Variants in ZC4H2 observed in about 807,000 individuals in gnomAD.
ZC4H2 encodes zinc finger C4H2 domain-containing protein.
For synonymous variants in ZC4H2, 84 were observed against 66.3 expected (o/e 1.27, Z -1.30); for missense variants, 137 against 173.9 (o/e 0.79, Z 1.19).
intron 1 of ZC4H2, among the ~76,000 whole-genome samples, chrX:64,944,905 C>T (rs185221372): frequency 5.3e-4 from 60 of 112,518 alleles, no homozygotes; most frequent in Admixed American, 4.9e-3. Context: ...ATGAAGTTCT[C>T]GTGCTGTGTT....
intron 1 of ZC4H2, among the ~76,000 whole-genome samples, chrX:64,949,220 T>C (rs1474574340): frequency 9.0e-6 from 1 of 111,719 alleles, no homozygotes; most frequent in Non-Finnish European, 1.9e-5. Flanking sequence ...TTTCATGCAA[T>C]AGTAAAGGAC....
intron 1 of ZC4H2, among the ~76,000 whole-genome samples, chrX:64,957,698 A>T (rs927388242): frequency 2.1e-4 from 23 of 108,396 alleles, no homozygotes; most frequent in African/African-American, 5.7e-4. Context: ...TATCTCTATT[A>T]AAAAAATATA....
chrX:64,922,021 C>A (rs1432921120), intron 1 of ZC4H2, 33 bp from the exon 2 acceptor site: 1 of 1,200,442 alleles, frequency 8.3e-7, no homozygotes, highest in South Asian at 1.8e-5. Flanking sequence ...AACAGGCCAG[C>A]AAAAGAAGGG....
At chrX:64,931,994 C>T (rs1929773988) in intron 1 of ZC4H2, among the ~76,000 whole-genome samples, 2 of 111,437 alleles carry the variant, frequency 1.8e-5, no homozygotes, top group African/African-American at 3.3e-5. Context: ...TATCTCATTT[C>T]TTATGTCTAG....
chrX:64,998,847 A>G (rs1932468018), intron 1 of ZC4H2, among the ~76,000 whole-genome samples: 1 of 110,201 alleles, frequency 9.1e-6, no homozygotes, highest in African/African-American at 3.3e-5. Flanking sequence ...CTTTATTAAT[A>G]TATACTATTT....
chrX:64,940,373 A>T (rs113042153), intron 1 of ZC4H2, among the ~76,000 whole-genome samples: 1 of 111,295 alleles, frequency 9.0e-6, no homozygotes, highest in African/African-American at 3.3e-5. Flanking sequence ...CACTCTGATG[A>T]TAGTTTCTTT....
At chrX:64,988,987 G>A (rs1489233235) in intron 1 of ZC4H2, among the ~76,000 whole-genome samples, 2 of 111,707 alleles carry the variant, frequency 1.8e-5, no homozygotes, top group South Asian at 3.7e-4. Flanking sequence ...TCCTTTCCTC[G>A]TTTATTGTTT....
At position 64,916,353 on chromosome X, in the gene ZC4H2, A is replaced by G. The variant is rs1270723102; in HGVS notation, c.*1430T>C. 1 of 111,704 alleles carries G rather than the reference A, an allele frequency of 9.0e-6. No homozygotes were observed. The highest frequency in any genetic ancestry group is 3.3e-5 in the African/African-American group (1 of 30,680). The allele number at this position is 111,704 out of a possible 1,213,427, so 9.2% of individuals were successfully genotyped here. On this transcript the variant is annotated 3_prime_UTR_variant, in exon 5 of 5. Transcript: ENST00000374839. ...TTCTCATTTGTAAGGTGGAATGAAT[A>G]AGAGCAAACAAGAGCTACCCAGAAA...
intron 1 of ZC4H2, among the ~76,000 whole-genome samples, chrX:64,930,151 C>T (rs1381747034): frequency 1.8e-5 from 2 of 111,456 alleles, no homozygotes; most frequent in Non-Finnish European, 3.8e-5. Context: ...GGGTTGACTT[C>T]TTGATTTAAT....
At chrX:64,929,200 C>T (rs1929624399) in intron 1 of ZC4H2, among the ~76,000 whole-genome samples, 1 of 110,474 alleles carries the variant, frequency 9.1e-6, no homozygotes, top group African/African-American at 3.3e-5. Context: ...CCCCTTTGCC[C>T]ACTTTTTGAT....
chrX:64,975,507 G>T (rs776294857), intron 1 of ZC4H2, among the ~76,000 whole-genome samples: 1 of 112,167 alleles, frequency 8.9e-6, no homozygotes, highest in Admixed American at 9.4e-5. Flanking sequence ...AGCCAAAGCA[G>T]GGGCTCACGC....
At chrX:64,956,695 C>T (rs1931170054) in intron 1 of ZC4H2, among the ~76,000 whole-genome samples, 1 of 111,755 alleles carries the variant, frequency 8.9e-6, no homozygotes, top group Non-Finnish European at 1.9e-5. Flanking sequence ...ACAGACCAAA[C>T]CAAACAAACA....
At chrX:64,989,393 A>C (rs1310368140) in intron 1 of ZC4H2, among the ~76,000 whole-genome samples, 1 of 111,354 alleles carries the variant, frequency 9.0e-6, no homozygotes, top group African/African-American at 3.3e-5. Flanking sequence ...CTTTTATTTC[A>C]TTGAGCAGTG....
intron 1 of ZC4H2, among the ~76,000 whole-genome samples, chrX:65,015,672 C>T (rs1932792796): frequency 8.9e-6 from 1 of 112,325 alleles, no homozygotes; most frequent in Non-Finnish European, 1.9e-5. Context: ...CCTCCTGCAT[C>T]TGCACTTCCT....
Position 64,987,219 on chromosome X carries a change from T to C in ZC4H2, c.-272+47410A>G, listed in dbSNP as rs191609958. ...CTGGGATTACAGGTGTGAGCCACCG[T>C]GCCTGGCCGACACAGACAAGATAGT... On this transcript the variant is annotated intron_variant, in intron 1 of 4. Transcript: ENST00000337990. Among the ~76,000 whole-genome samples the C allele has an allele frequency of 8.3e-3, 917 of 111,050 alleles. 6 individuals carry two copies. Among genetic ancestry groups the C allele is most frequent in the Non-Finnish European group, 0.014 (720 of 52,992 alleles).
At chrX:65,019,109 G>A (rs763455302) in intron 1 of ZC4H2, among the ~76,000 whole-genome samples, 1 of 111,878 alleles carries the variant, frequency 8.9e-6, no homozygotes. Context: ...GGGCGCAGCT[G>A]CAGCAGACTT....
intron 1 of ZC4H2, among the ~76,000 whole-genome samples, chrX:64,944,582 C>T (rs1930445186): frequency 9.0e-6 from 1 of 110,967 alleles, no homozygotes; most frequent in South Asian, 3.9e-4. Flanking sequence ...TGAGGAGTAT[C>T]TTAGTGGTGC....
intron 1 of ZC4H2, among the ~76,000 whole-genome samples, chrX:64,946,420 G>T (rs1427123900): frequency 9.0e-6 from 1 of 110,733 alleles, no homozygotes; most frequent in East Asian, 2.8e-4. Context: ...CCCTCTGTGG[G>T]CTGCACCCGC....
At chrX:64,957,920 C>T (rs1027967364) in intron 1 of ZC4H2, among the ~76,000 whole-genome samples, 1 of 111,069 alleles carries the variant, frequency 9.0e-6, no homozygotes, top group African/African-American at 3.3e-5. Flanking sequence ...TAGCCTAGGC[C>T]TACACAGGGT....
Sources: gnomAD v4.1 joint callset for allele counts (sites outside exome capture counted in the v4.1 genomes callset) on GRCh38, gnomAD v4.1.1 for gene constraint, MANE v1.5 for transcripts, NCBI Gene and HGNC (gene_info 2026-07-23, HGNC 2026-07-21) for gene names.